ABCA9: variants seen among roughly 807,000 people sequenced by gnomAD.
ABCA9 encodes the protein ATP binding cassette subfamily A member 9, also known as ATP-binding cassette sub-family A member 9.
ABCA9 carries 183 observed loss-of-function variants against 205.3 expected under a neutral mutation model. That is an observed-to-expected ratio of 0.89 (90% CI 0.79 to 1.01). ABCA9 has a LOEUF of 1.01. Among genes scored for constraint, ABCA9 ranks in the 50% least tolerant of loss-of-function variants. The pLI, the probability that ABCA9 is intolerant of heterozygous loss-of-function variation, is 0.00. For synonymous variants in ABCA9, 651 were observed against 683.3 expected, an observed-to-expected ratio of 0.95 and a Z score of 0.74; for missense variants, 1,805 against 1,912.4, an observed-to-expected ratio of 0.94 and a Z score of 1.05.
rs1325340787 is a variant in ABCA9, at chr17:69,035,772, A to T, written c.830T>A (p.Phe277Tyr). 6.2e-7 allele frequency: 1 copy of T among 1,613,404 alleles called. No individual in the cohort carries two copies. The highest frequency in any genetic ancestry group is 1.7e-5 in the Admixed American group (1 of 59,958). ...WLSWGLMYAG[F>Y]ILIMATLMAL... is the part of the protein sequence containing the mutation. ...CATTAAAGTGGCCATGATAAGGATG[A>T]AGCCAGCATACATCAAACCCCAGGA... Residue 277 changes from phenylalanine (F) to tyrosine (Y), a missense_variant, in exon 7 of 39, where the codon TTC (phenylalanine) becomes TAC (tyrosine). Phe to Tyr is a conservative substitution (Grantham distance 22, BLOSUM62 3). Coordinates refer to ENST00000340001, the MANE Select transcript of ABCA9 (RefSeq NM_080283.4).
intron 6 of ABCA9, among the ~76,000 whole-genome samples, chr17:69,039,040 A>G (rs1276904919): frequency 6.6e-6 from 1 of 152,220 alleles, no homozygotes; most frequent in Non-Finnish European, 1.5e-5. Context: ...AGAACTACAA[A>G]TAACTGCTCA....
Position 69,008,236 on chromosome 17 carries a change from C to A in ABCA9, c.3148-1G>T. ...TCCGTAGCTGGGAATGAGCTTTTTT[C>A]TGATAAAGAAATAGAAGAATCATCA... is the stretch of plus-strand genomic sequence containing the variant. On this transcript the variant is annotated splice_acceptor_variant, in intron 23 of 38. Transcript: ENST00000340001. LOFTEE classifies it high-confidence loss of function. The A allele has an allele frequency of 6.2e-7, 1 of 1,611,232 alleles. No individual in the cohort carries two copies. Among genetic ancestry groups the A allele is most frequent in the Non-Finnish European group, 8.5e-7 (1 of 1,179,282 alleles).
At position 69,059,262 on chromosome 17, in the gene ABCA9, T is replaced by C. The variant is rs552249535; in HGVS notation, c.-14+1604A>G. Among the ~76,000 whole-genome samples the C allele has an allele frequency of 8.5e-5, 13 of 152,250 alleles. 1 individual carries two copies. In the East Asian group the frequency reaches 2.5e-3, roughly 29 times the overall value. The stretch of plus-strand genomic sequence containing the variant: ...CCTGGAATTTGTGAATATGTTACAG[T>C]ACATGACAAAGGGGAATTAAGGCAG... On this transcript the variant is annotated intron_variant, in intron 1 of 38. Coordinates refer to ENST00000340001, the MANE Select transcript of ABCA9 (RefSeq NM_080283.4).
chr17:69,078,893 T>G, the ABCA9 span: 10 of 782,958 alleles, frequency 1.3e-5, no homozygotes, highest in Non-Finnish European at 1.9e-5. Flanking sequence ...TAAATGATCT[T>G]TAAAATTAAA....
the ABCA9 span, among the ~76,000 whole-genome samples, chr17:69,066,342 T>C: frequency 6.6e-6 from 1 of 152,148 alleles, no homozygotes; most frequent in Non-Finnish European, 1.5e-5. Flanking sequence ...AAATGTATAA[T>C]ATTGAATGTG....
Position 68,982,617 on chromosome 17 carries a change from C to T in ABCA9, c.4665G>A (p.Lys1555=), listed in dbSNP as rs776336343. The T allele has an allele frequency of 6.2e-7, 1 of 1,614,050 alleles. No homozygotes were observed. Among genetic ancestry groups the T allele is most frequent in the Non-Finnish European group, 8.5e-7 (1 of 1,179,936 alleles). Residue 1555 remains lysine (K), a synonymous_variant, in exon 37 of 39, where the codon AAG becomes AAA. Coordinates refer to ENST00000340001, the MANE Select transcript of ABCA9 (RefSeq NM_080283.4). ...QERFSSLMVY[K]LPVEDVRPLS... ...AAGGTCGCACATCCTCAACAGGCAA[C>T]TTATAGACCATCAGGGAGGAGAACC...
chr17:69,035,445 A>C lies in ABCA9; in HGVS notation c.943-14T>G. 6.4e-7 allele frequency: 1 copy of C among 1,558,112 alleles called. No homozygotes were observed. Among genetic ancestry groups the C allele is most frequent in the Non-Finnish European group, 8.6e-7 (1 of 1,158,132 alleles). On this transcript the variant is annotated splice_polypyrimidine_tract_variant and intron_variant, in intron 7 of 38. Coordinates refer to ENST00000340001, the MANE Select transcript of ABCA9 (RefSeq NM_080283.4). ...AGCTAAAGTTATCTGAGAAAAGAGA[A>C]AGACTTCAGCTGGTATATAATTCTG...
chr17:69,014,762 C>G lies in ABCA9; in HGVS notation c.3039+1491G>C, dbSNP rs553260332. Among the ~76,000 whole-genome samples the G allele has an allele frequency of 4.1e-4, 63 of 152,212 alleles. No homozygotes were observed. In the South Asian group the frequency reaches 0.013, roughly 31 times the overall value. On this transcript the variant is annotated intron_variant, in intron 22 of 38. Transcript: ENST00000340001. Reference sequence around the variant, plus strand: ...GCTCTCATAGCTCTTTCTGAGGAAGCACAGAGGTTAAAGCAAGGCAGAAGT... The same window carrying G: ...GCTCTCATAGCTCTTTCTGAGGAAGGACAGAGGTTAAAGCAAGGCAGAAGT...
chr17:68,980,457 A>G (rs1282740916), intron 37 of ABCA9, among the ~76,000 whole-genome samples: 1 of 152,084 alleles, frequency 6.6e-6, no homozygotes, highest in East Asian at 1.9e-4. Context: ...AGGATTATAA[A>G]TCATGCTGCT....
At chr17:69,008,408 C>T (rs2070241772) in intron 23 of ABCA9, among the ~76,000 whole-genome samples, 173 bp from the exon 24 acceptor site, 2 of 152,236 alleles carry the variant, frequency 1.3e-5, no homozygotes, top group Admixed American at 1.3e-4. Context: ...ATTGATAATG[C>T]TGCAAGCCAC....
chr17:69,042,303 A>G (rs912097838), intron 6 of ABCA9: 27 of 152,302 alleles, frequency 1.8e-4, no homozygotes, highest in African/African-American at 6.5e-4. Flanking sequence ...TCTCAGGACC[A>G]ATGAGAGGTG....
rs542502850 is a variant in ABCA9 at position 69,018,700 on chromosome 17, A to G, written c.2601-121T>C. The G allele has an allele frequency of 1.2e-3, 891 of 752,802 alleles. 24 individuals carry two copies. The South Asian group carries it at 0.019, about 16-fold the overall frequency. 46.6% of individuals were successfully genotyped at this position (752,802 alleles called of 1,614,324 possible). A position where few individuals can be genotyped will look rare whatever the true frequency, so the allele number is the denominator to read the frequency against. On this transcript the variant is annotated intron_variant, in intron 19 of 38. Coordinates refer to ENST00000340001, the MANE Select transcript of ABCA9 (RefSeq NM_080283.4). ...TTATAATCAATAACCAAACATTTGA[A>G]TCATACTTTGCCCCACTTCCTTGTT...
At chr17:69,016,218 A>AT in intron 22 of ABCA9, 35 bp downstream of exon 22, 1 of 1,439,566 alleles carries the variant, frequency 6.9e-7, no homozygotes, top group Non-Finnish European at 9.2e-7. Flanking sequence ...AAAACTTATC[A>AT]TGGCACAGTA....
chr17:69,049,504 A>G lies in ABCA9; in HGVS notation c.97-14T>C, dbSNP rs767133373. 1 of 1,587,022 alleles carries G rather than the reference A, an allele frequency of 6.3e-7. No homozygotes were observed. The highest frequency in any genetic ancestry group is 8.6e-7 in the Non-Finnish European group (1 of 1,163,104). The stretch of plus-strand genomic sequence containing the variant: ...AAAGAGCCATTCCTATATAGCAATA[A>G]GAGAAAAAGGAAACAAACTGGTAGA... On this transcript the variant is annotated splice_polypyrimidine_tract_variant and intron_variant, in intron 2 of 38. Coordinates refer to ENST00000340001, the MANE Select transcript of ABCA9 (RefSeq NM_080283.4).
chr17:69,016,528 C>A, intron 21 of ABCA9, 138 bp from the exon 22 acceptor site: 1 of 734,722 alleles, frequency 1.4e-6, no homozygotes, highest in South Asian at 3.1e-5. Flanking sequence ...ATCACTATCA[C>A]TCATAATATT....
intron 22 of ABCA9, among the ~76,000 whole-genome samples, chr17:69,015,003 C>A (rs1190526316): frequency 6.6e-6 from 1 of 152,090 alleles, no homozygotes; most frequent in African/African-American, 2.4e-5. Flanking sequence ...AAACTGCTAG[C>A]AACTAGAGAA....
At chr17:69,012,272 C>T (rs1020614968) in intron 22 of ABCA9, 189 bp from the exon 23 acceptor site, 5 of 465,832 alleles carry the variant, frequency 1.1e-5, no homozygotes, top group East Asian at 6.7e-5. Context: ...CTTCTGAACA[C>T]GTAGCCTGAT....
chr17:69,000,259 G>A (rs562377700), intron 25 of ABCA9, among the ~76,000 whole-genome samples: 1 of 151,204 alleles, frequency 6.6e-6, no homozygotes, highest in African/African-American at 2.4e-5. Flanking sequence ...TACGGTTTTA[G>A]GTCTAACGTT....
intron 31 of ABCA9, among the ~76,000 whole-genome samples, chr17:68,987,762 G>GTT (rs1156483091): frequency 6.5e-4 from 25 of 38,316 alleles, no homozygotes; most frequent in African/African-American, 1.2e-3. Flanking sequence ...TTGTTTGTTT[G>GTT]TTTGTTTTTT....
Sources: allele counts gnomAD v4.1 joint callset (sites outside exome capture counted in the v4.1 genomes callset), GRCh38; gene constraint gnomAD v4.1.1; transcripts MANE v1.5; gene names NCBI Gene and HGNC (gene_info 2026-07-23, HGNC 2026-07-21).